Variants in CC2D1B observed in about 807,000 individuals in gnomAD.
CC2D1B encodes coiled-coil and C2 domain-containing protein 1B.
CC2D1B carries 92 observed loss-of-function variants against 110.8 expected under a neutral mutation model. That is an observed-to-expected ratio of 0.83 (90% CI 0.70 to 0.99). The LOEUF (loss-of-function observed/expected upper bound fraction) is 0.99, where lower values mean the gene tolerates loss of function less well. CC2D1B is among the 50% of genes least tolerant of loss of function. CC2D1B has a pLI of 0.00. For missense variants in CC2D1B, 1,136 were observed against 1,089.0 expected (o/e 1.04, Z -0.61); for synonymous variants, 406 against 429.2 (o/e 0.95, Z 0.67).
At position 52,360,519 on chromosome 1, in the gene CC2D1B, G is replaced by C; in HGVS notation, c.508C>G (p.Leu170Val). The C allele has an allele frequency of 6.2e-7, 1 of 1,614,154 alleles. No individual in the cohort carries two copies. The highest frequency in any genetic ancestry group is 8.5e-7 in the Non-Finnish European group (1 of 1,180,036). ...AGASQGLHAL[L>V]EERIHNYREA... ...CGGTAGTTGTGAATCCGTTCCTCCA[G>C]CAAAGCGTGTAGCCCCTGAGATGCT... The change falls in exon 6 of 25, where the codon CTG becomes GTG. Residue 170 changes from leucine to valine, a missense_variant. Coordinates refer to ENST00000284376, the MANE Select transcript of CC2D1B (RefSeq NM_001330585.2).
intron 9 of CC2D1B, 25 bp downstream of exon 9, chr1:52,359,434 G>A (rs1215026257): frequency 5.6e-6 from 9 of 1,613,360 alleles, no homozygotes; most frequent in South Asian, 3.3e-5. Context: ...CAACCCCACC[G>A]CAGCCTGAGA....
At chr1:52,359,437 G>C (rs1488276717) in intron 9 of CC2D1B, 22 bp downstream of exon 9, 6 of 1,613,670 alleles carry the variant, frequency 3.7e-6, no homozygotes, top group Non-Finnish European at 5.1e-6. Context: ...CCCCACCGCA[G>C]CCTGAGAAGA....
At chr1:52,358,275 T>C in intron 13 of CC2D1B, 56 bp downstream of exon 13, 1 of 1,585,834 alleles carries the variant, frequency 6.3e-7, no homozygotes, top group African/African-American at 1.3e-5. Context: ...GGGTCTGGGT[T>C]TACCCCTCAC....
intron 18 of CC2D1B, 86 bp downstream of exon 18, chr1:52,356,100 C>T (rs1185988683): frequency 2.4e-6 from 3 of 1,237,614 alleles, no homozygotes; most frequent in Non-Finnish European, 3.5e-6. Context: ...TGGGAAGCCT[C>T]ACTAAAGGGG....
Position 52,351,055 on chromosome 1 carries a change from G to A in CC2D1B, c.*2170C>T, listed in dbSNP as rs964399675. The A allele has an allele frequency of 6.6e-6, 1 of 152,314 alleles. No homozygotes were observed. Among genetic ancestry groups the A allele is most frequent in the South Asian group, 2.1e-4 (1 of 4,822 alleles). The allele number at this position is 152,314 out of a possible 1,614,324, so 9.4% of individuals were successfully genotyped here. ...AGCCACTGTGTCCCGCCTGTTTCCT[G>A]TATGTGGATAAATCTCAGGACAAGA... is the stretch of plus-strand genomic sequence containing the variant. On this transcript the variant is annotated 3_prime_UTR_variant, in exon 25 of 25. Transcript: ENST00000284376.
chr1:52,357,278 C>A, intron 15 of CC2D1B, 152 bp from the exon 16 acceptor site: 1 of 1,010,166 alleles, frequency 9.9e-7, no homozygotes, highest in South Asian at 1.5e-5. Context: ...CCCAAAATAA[C>A]ACTCTTGCCT....
intron 22 of CC2D1B, 39 bp from the exon 23 acceptor site, chr1:52,354,737 G>A (rs1232356755): frequency 5.0e-6 from 8 of 1,609,344 alleles, no homozygotes; most frequent in South Asian, 1.1e-5. Context: ...GGACTGGGCA[G>A]GGAAGGCAGG....
intron 1 of CC2D1B, among the ~76,000 whole-genome samples, chr1:52,365,807 C>T (rs950944020): frequency 1.3e-5 from 2 of 152,098 alleles, no homozygotes; most frequent in African/African-American, 4.8e-5. Context: ...GAGGAGCTGG[C>T]GGGCGCTCCG....
chr1:52,363,300 C>T (rs1264863382), intron 2 of CC2D1B, among the ~76,000 whole-genome samples: 3 of 149,992 alleles, frequency 2.0e-5, no homozygotes, highest in African/African-American at 7.4e-5. Flanking sequence ...GAGGCTGAGG[C>T]AGGAGAATGG....
chr1:52,360,405 C>T lies in CC2D1B; in HGVS notation c.603+19G>A. Reference sequence around the variant, plus strand: ...TGCAGCCCCCTCCCCTGCCCTGCTCCCAGCCTAGCCCGACTCACCTTCAGG... The same window carrying T: ...TGCAGCCCCCTCCCCTGCCCTGCTCTCAGCCTAGCCCGACTCACCTTCAGG... On this transcript the variant is annotated intron_variant, in intron 6 of 24. Transcript: ENST00000284376. 6.2e-7 allele frequency: 1 copy of T among 1,612,208 alleles called. No individual in the cohort carries two copies. The highest frequency in any genetic ancestry group is 2.2e-5 in the East Asian group (1 of 44,872).
At chr1:52,361,919 T>C (rs1264214794) in intron 3 of CC2D1B, among the ~76,000 whole-genome samples, 1 of 152,256 alleles carries the variant, frequency 6.6e-6, no homozygotes, top group Non-Finnish European at 1.5e-5. Context: ...CTGTAAAGAT[T>C]TTCAAAGTCC....
intron 8 of CC2D1B, 80 bp downstream of exon 8, chr1:52,359,625 A>T (rs1646734912): frequency 6.4e-7 from 1 of 1,558,896 alleles, no homozygotes; most frequent in East Asian, 2.4e-5. Context: ...AATCTCACTC[A>T]ATCTCAGTCT....
Position 52,360,490 on chromosome 1 carries a change from C to T in CC2D1B, c.537G>A (p.Glu179=). The change falls in exon 6 of 25, where the codon GAG becomes GAA. Residue 179 remains glutamate (E), a synonymous_variant. Coordinates refer to ENST00000284376, the MANE Select transcript of CC2D1B (RefSeq NM_001330585.2). ...LLEERIHNYR[E]AAASAKEAGE... ...CTGCCTCCTTGGCACTGGCCGCAGCCTCTCGGTAGTTGTGAATCCGTTCCT... is the reference window on the plus strand; with the variant it reads ...CTGCCTCCTTGGCACTGGCCGCAGCTTCTCGGTAGTTGTGAATCCGTTCCT... 1 of 1,614,108 alleles carries T rather than the reference C, an allele frequency of 6.2e-7. No individual in the cohort carries two copies. The highest frequency in any genetic ancestry group is 8.5e-7 in the Non-Finnish European group (1 of 1,180,042).
chr1:52,359,627 T>C (rs557366477), intron 8 of CC2D1B, 78 bp downstream of exon 8: 1 of 1,556,974 alleles, frequency 6.4e-7, no homozygotes, highest in African/African-American at 1.4e-5. Flanking sequence ...TCTCACTCAA[T>C]CTCAGTCTAG....
In CC2D1B at chr1:52,356,989, G is replaced by A. The variant is rs1387840921; in HGVS notation, c.1878+12C>T. ...GGCACAGAGGGGAGGAACAGACGAG[G>A]GGCCTGCTGACCTCTTGTTGCTCCA... On this transcript the variant is annotated intron_variant, in intron 16 of 24. Coordinates refer to ENST00000284376, the MANE Select transcript of CC2D1B (RefSeq NM_001330585.2). 6.5e-7 allele frequency: 1 copy of A among 1,550,322 alleles called. No individual in the cohort carries two copies. Among genetic ancestry groups the A allele is most frequent in the South Asian group, 1.2e-5 (1 of 83,978 alleles).
rs767704421 is a variant in CC2D1B, at chr1:52,354,833, G to A, written c.2339+7C>T. ...CCGTGTGGCAGCATGACCGATAGGAGCCTCACCCTTTGTGGAAGATCTCAA... is the reference window on the plus strand; with the variant it reads ...CCGTGTGGCAGCATGACCGATAGGAACCTCACCCTTTGTGGAAGATCTCAA... On this transcript the variant is annotated splice_region_variant and intron_variant, in intron 22 of 24. Coordinates refer to ENST00000284376, the MANE Select transcript of CC2D1B (RefSeq NM_001330585.2). 4 of 1,613,200 alleles carry A rather than the reference G, an allele frequency of 2.5e-6. No individual in the cohort carries two copies. Among genetic ancestry groups the A allele is most frequent in the Non-Finnish European group, 2.5e-6 (3 of 1,179,078 alleles).
rs766747043 is a variant in CC2D1B, at chr1:52,364,548, A to C, written c.69+4T>G. 6.3e-7 allele frequency: 1 copy of C among 1,597,654 alleles called. No homozygotes were observed. Among genetic ancestry groups the C allele is most frequent in the South Asian group, 1.1e-5 (1 of 89,968 alleles). ...CCAGTAGCCTAGAAGGCTAAGTTCC[A>C]TACCTGCTTGGCAGCGGCCACCCCT... On this transcript the variant is annotated splice_donor_region_variant and intron_variant, in intron 2 of 24. Transcript: ENST00000284376.
Position 52,358,554 on chromosome 1 carries a change from G to A in CC2D1B, c.1331-93C>T. The A allele has an allele frequency of 3.1e-6, 5 of 1,595,736 alleles. 1 individual carries two copies. The highest frequency in any genetic ancestry group is 2.6e-6 in the Non-Finnish European group (3 of 1,166,372). Reference sequence around the variant, plus strand: ...CCTGTCTGGGGCATGGCTCTGCTGGGGCATGGCTGGGATGGATGGCTCCAC... The same window carrying A: ...CCTGTCTGGGGCATGGCTCTGCTGGAGCATGGCTGGGATGGATGGCTCCAC... On this transcript the variant is annotated intron_variant, in intron 12 of 24. Coordinates refer to ENST00000284376, the MANE Select transcript of CC2D1B (RefSeq NM_001330585.2).
At chr1:52,355,866 A>AT (rs1351472722) in intron 18 of CC2D1B, 22 bp from the exon 19 acceptor site, 3 of 1,612,464 alleles carry the variant, frequency 1.9e-6, no homozygotes. Context: ...CGGGAAGGAG[A>AT]AAATGCTCAA....
Sources: allele counts gnomAD v4.1 joint callset (sites outside exome capture counted in the v4.1 genomes callset), GRCh38; gene constraint gnomAD v4.1.1; transcripts MANE v1.5; gene names NCBI Gene and HGNC (gene_info 2026-07-23, HGNC 2026-07-21).